Variants in SYK observed in about 807,000 individuals in gnomAD.
SYK encodes the protein spleen associated tyrosine kinase.
A neutral mutation model predicts 77.8 loss-of-function variants in SYK; 16 were observed. That is an observed-to-expected ratio of 0.21 (90% CI 0.14 to 0.31). The LOEUF is 0.31. SYK is among the 10% of genes least tolerant of loss of function. The pLI is 1.00. For synonymous variants in SYK, 312 were observed against 308.7 expected, an observed-to-expected ratio of 1.01 and a Z score of -0.11; for missense variants, 529 against 814.4, an observed-to-expected ratio of 0.65 and a Z score of 4.26.
intron 1 of SYK, among the ~76,000 whole-genome samples, chr9:90,838,643 A>C (rs1277871552): frequency 1.3e-5 from 2 of 152,324 alleles, no homozygotes; most frequent in Admixed American, 6.5e-5. Context: ...AGGTGGAGTT[A>C]AGGAGGAGCT....
chr9:90,842,476 A>G (rs958434791), intron 1 of SYK, among the ~76,000 whole-genome samples: 22 of 148,440 alleles, frequency 1.5e-4, no homozygotes, highest in African/African-American at 5.5e-4. Flanking sequence ...TGTGGTGTGT[A>G]TGTAGTTTGT....
At chr9:90,852,245 G>T (rs1282477660) in intron 3 of SYK, among the ~76,000 whole-genome samples, 1 of 152,212 alleles carries the variant, frequency 6.6e-6, no homozygotes, top group African/African-American at 2.4e-5. Context: ...TTCCCTGGCT[G>T]TGACTAAAAT....
intron 1 of SYK, among the ~76,000 whole-genome samples, chr9:90,821,661 A>G (rs1260513441): frequency 6.6e-6 from 1 of 152,190 alleles, no homozygotes; most frequent in Admixed American, 6.5e-5. Flanking sequence ...GTGGCACAAA[A>G]TTTTAGCCAC....
rs1446030380 is a variant in SYK, at chr9:90,884,370, C to CAT, written c.1582-3378_1582-3377insTA. On this transcript the variant is annotated intron_variant, in intron 11 of 13. Coordinates refer to ENST00000375754, the MANE Select transcript of SYK (RefSeq NM_003177.7). Reference sequence around the variant, plus strand: ...ATACACATACGTGTATACATACATACACACATACGTGTATATATGCATACA... The same window carrying CAT: ...ATACACATACGTGTATACATACATACATACACATACGTGTATATATGCATACA... 7.0e-5 allele frequency among the ~76,000 whole-genome samples: 10 copies of CAT among 142,362 alleles called. 2 individuals are homozygous for CAT. Among genetic ancestry groups the CAT allele is most frequent in the African/African-American group, 2.4e-4 (9 of 37,510 alleles). 93.4% of individuals were successfully genotyped at this position (142,362 alleles called of 152,430 possible).
In SYK at chr9:90,808,068, T is replaced by A. The variant is rs1046596870; in HGVS notation, c.-42+6175T>A. On this transcript the variant is annotated intron_variant, in intron 1 of 13. Coordinates refer to ENST00000375754, the MANE Select transcript of SYK (RefSeq NM_003177.7). ...CCAGAATAGGCATGTCGATTTTTTT[T>A]AATTTTTGATATTATAAACAGTGCT... 7.9e-5 allele frequency among the ~76,000 whole-genome samples: 12 copies of A among 152,348 alleles called. No individual in the cohort carries two copies. In the East Asian group the frequency reaches 1.3e-3, roughly 17 times the overall value.
rs62559153 is a variant in SYK at position 90,873,111 on chromosome 9, G to A, written c.916-1093G>A. On this transcript the variant is annotated intron_variant, in intron 7 of 13. Transcript: ENST00000375754. Reference sequence around the variant, plus strand: ...TGTTTGGAAACAATGGCTGAGTGGCGGTAGTGGTGCATTGTGACCTCATTA... The same window carrying A: ...TGTTTGGAAACAATGGCTGAGTGGCAGTAGTGGTGCATTGTGACCTCATTA... Among the ~76,000 whole-genome samples, 14 of 152,294 alleles carry A rather than the reference G, an allele frequency of 9.2e-5. 2 individuals are homozygous for A. Among genetic ancestry groups the A allele is most frequent in the South Asian group, 2.1e-4 (1 of 4,818 alleles).
intron 11 of SYK, among the ~76,000 whole-genome samples, chr9:90,880,445 A>G (rs897988767): frequency 6.6e-6 from 1 of 152,220 alleles, no homozygotes; most frequent in African/African-American, 2.4e-5. Context: ...GAAAGGCATC[A>G]GCATGGGCCT....
chr9:90,869,716 A>G (rs1032811079), intron 7 of SYK, among the ~76,000 whole-genome samples: 3 of 152,246 alleles, frequency 2.0e-5, no homozygotes, highest in African/African-American at 7.2e-5. Context: ...TAGTTAATGA[A>G]AAGTATGTTT....
chr9:90,882,460 A>ACAT (rs1309335333), intron 11 of SYK, among the ~76,000 whole-genome samples: 13 of 152,374 alleles, frequency 8.5e-5, no homozygotes, highest in African/African-American at 3.1e-4. Context: ...CACACAGGTG[A>ACAT]CATCAGCAGA....
chr9:90,809,256 A>G (rs1351224582), intron 1 of SYK, among the ~76,000 whole-genome samples: 1 of 152,228 alleles, frequency 6.6e-6, no homozygotes, highest in Non-Finnish European at 1.5e-5. Flanking sequence ...GATTCTTAGA[A>G]GCCTGTTTAA....
At chr9:90,888,470 C>T in intron 12 of SYK, 45 bp from the exon 13 acceptor site, 16 of 1,438,618 alleles carry the variant, frequency 1.1e-5, no homozygotes, top group Non-Finnish European at 1.5e-5. Context: ...GTTTGACTAA[C>T]ACCTTTAAAA....
chr9:90,874,412 C>A, intron 8 of SYK, 121 bp downstream of exon 8: 1 of 1,041,266 alleles, frequency 9.6e-7, no homozygotes. Flanking sequence ...CACAGTTAGC[C>A]ATGGAAACAC....
chr9:90,856,267 C>T (rs997984889), intron 3 of SYK, among the ~76,000 whole-genome samples: 1 of 152,152 alleles, frequency 6.6e-6, no homozygotes, highest in Non-Finnish European at 1.5e-5. Flanking sequence ...CAATGGTTCT[C>T]ATGTCTCTGT....
intron 7 of SYK, among the ~76,000 whole-genome samples, chr9:90,873,499 C>G (rs948996513): frequency 6.6e-6 from 1 of 152,104 alleles, no homozygotes. Flanking sequence ...GATTTCCCCC[C>G]CCAGTTGTTT....
chr9:90,848,505 G>A (rs1303049037), intron 3 of SYK, among the ~76,000 whole-genome samples: 1 of 152,240 alleles, frequency 6.6e-6, no homozygotes, highest in Non-Finnish European at 1.5e-5. Context: ...AATAGCCACA[G>A]CACAAGGTCT....
intron 1 of SYK, among the ~76,000 whole-genome samples, chr9:90,836,003 T>C (rs1329869379): frequency 6.6e-6 from 1 of 152,100 alleles, no homozygotes; most frequent in East Asian, 1.9e-4. Context: ...ATATAAAAAA[T>C]GTTGGCCGGG....
intron 6 of SYK, 21 bp from the exon 7 acceptor site, chr9:90,867,110 C>T (rs2118825799): frequency 6.2e-7 from 1 of 1,613,802 alleles, no homozygotes; most frequent in Non-Finnish European, 8.5e-7. Flanking sequence ...TACTGTTCCT[C>T]TTTGCCGTTG....
At chr9:90,837,392 T>C (rs1826123727) in intron 1 of SYK, among the ~76,000 whole-genome samples, 2 of 152,112 alleles carry the variant, frequency 1.3e-5, no homozygotes, top group Admixed American at 1.3e-4. Flanking sequence ...AAGTTAACTA[T>C]GTGCGGGGGT....
At chr9:90,812,111 G>T (rs567569401) in intron 1 of SYK, among the ~76,000 whole-genome samples, 1 of 77,882 alleles carries the variant, frequency 1.3e-5, no homozygotes, top group African/African-American at 4.0e-5. Context: ...ACCAAATTAA[G>T]AACAGCAGCT....
Sources: allele counts gnomAD v4.1 joint callset (sites outside exome capture counted in the v4.1 genomes callset), GRCh38; gene constraint gnomAD v4.1.1; transcripts MANE v1.5; gene names NCBI Gene and HGNC (gene_info 2026-07-23, HGNC 2026-07-21).